Variants in KIAA0586 observed in about 807,000 individuals in gnomAD.
KIAA0586 encodes protein TALPID3.
In KIAA0586, 144 loss-of-function variants were observed where a neutral mutation model predicts 169.8. The observed-to-expected ratio is 0.85, with a 90% CI of 0.74 to 0.97. The LOEUF (loss-of-function observed/expected upper bound fraction) is 0.97, where lower values mean the gene tolerates loss of function less well. KIAA0586 is among the 50% of genes least tolerant of loss of function. The probability of loss-of-function intolerance (pLI) is 0.00; values close to 1 mark genes in which losing one functional copy is unlikely to be tolerated. For synonymous variants in KIAA0586, 625 were observed against 612.4 expected (o/e 1.02, Z -0.30); for missense variants, 1,854 against 1,823.0 (o/e 1.02, Z -0.31).
chr14:58,519,142 CCAAAA>C (rs1409221640), intron 29 of KIAA0586, among the ~76,000 whole-genome samples: 3 of 152,258 alleles, frequency 2.0e-5, no homozygotes, highest in Admixed American at 2.0e-4. Context: ...AAAACCAAAA[CCAAAA>C]CAAAACAAAA....
At chr14:58,496,066 A>G (rs535507971) in intron 26 of KIAA0586, among the ~76,000 whole-genome samples, 1 of 152,324 alleles carries the variant, frequency 6.6e-6, no homozygotes, top group South Asian at 2.1e-4. Context: ...TTGATACATT[A>G]TAAGTTAAAA....
chr14:58,455,720 G>GCATGTGCGAGTGCATGCACATT (rs2039778526), intron 9 of KIAA0586, among the ~76,000 whole-genome samples: 1 of 151,956 alleles, frequency 6.6e-6, no homozygotes. Flanking sequence ...GCATGCACAT[G>GCATGTGCGAGTGCATGCACATT]CATGTGCTAG....
chr14:58,428,181 G>A lies in KIAA0586; in HGVS notation c.-84G>A, dbSNP rs1006190630. The A allele has an allele frequency of 9.2e-6, 14 of 1,515,196 alleles. No individual in the cohort carries two copies. Among genetic ancestry groups the A allele is most frequent in the Non-Finnish European group, 8.8e-6 (10 of 1,134,976 alleles). The allele number at this position is 1,515,196 out of a possible 1,614,324, so 93.9% of individuals were successfully genotyped here. Reference sequence around the variant, plus strand: ...ATTTTAAAAACAGTTATTGCAAAGAGGTGAAAATTTTGTTCTGAAGTCTTA... The same window carrying A: ...ATTTTAAAAACAGTTATTGCAAAGAAGTGAAAATTTTGTTCTGAAGTCTTA... On this transcript the variant is annotated 5_prime_UTR_variant, in exon 1 of 31. Coordinates refer to ENST00000652326, the MANE Select transcript of KIAA0586 (RefSeq NM_001329943.3).
chr14:58,547,140 A>C (rs1206293501), intron 30 of KIAA0586, among the ~76,000 whole-genome samples: 1 of 145,842 alleles, frequency 6.9e-6, no homozygotes, highest in Non-Finnish European at 1.5e-5. Context: ...TACATGGCTG[A>C]TATCTTACCT....
At chr14:58,560,538 G>A in the KIAA0586 span, among the ~76,000 whole-genome samples, 1 of 152,166 alleles carries the variant, frequency 6.6e-6, no homozygotes, top group African/African-American at 2.4e-5. Context: ...AATGCGAGGT[G>A]TCCTGTGAGG....
intron 28 of KIAA0586, among the ~76,000 whole-genome samples, chr14:58,511,315 G>A (rs1220830834): frequency 6.6e-6 from 1 of 152,192 alleles, no homozygotes; most frequent in Non-Finnish European, 1.5e-5. Context: ...TATAGTGCTA[G>A]ATGCTGTTCT....
At chr14:58,528,303 A>G (rs541139750) in intron 29 of KIAA0586, among the ~76,000 whole-genome samples, 1 of 152,194 alleles carries the variant, frequency 6.6e-6, no homozygotes, top group Non-Finnish European at 1.5e-5. Flanking sequence ...AATGAGACAG[A>G]AAATTAACAA....
chr14:58,554,271 AT>A (rs1286503230), downstream of KIAA0586, among the ~76,000 whole-genome samples: 1 of 152,102 alleles, frequency 6.6e-6, no homozygotes, highest in East Asian at 1.9e-4. Flanking sequence ...TGGTGGGCAG[AT>A]TTGTATAGTC....
At chr14:58,531,162 C>CAA (rs749963379) in intron 29 of KIAA0586, among the ~76,000 whole-genome samples, 6 of 104,106 alleles carry the variant, frequency 5.8e-5, no homozygotes, top group African/African-American at 7.2e-5. Flanking sequence ...CTAAAATGTA[C>CAA]AAAAAAAAAA....
chr14:58,467,958 A>G, intron 16 of KIAA0586, 36 bp downstream of exon 16: 1 of 1,488,474 alleles, frequency 6.7e-7, no homozygotes, highest in Non-Finnish European at 9.0e-7. Flanking sequence ...ATTTTAAGGA[A>G]GAAAAAATTT....
In KIAA0586 at chr14:58,459,910, G is replaced by A. The variant is rs943696624; in HGVS notation, c.1724G>A (p.Gly575Asp). The change falls in exon 13 of 31, where the codon GGT becomes GAT. Residue 575 changes from glycine (G) to aspartate (D), a missense_variant. By Grantham distance (94) the Gly-to-Asp change is moderately conservative. Coordinates refer to ENST00000652326, the MANE Select transcript of KIAA0586 (RefSeq NM_001329943.3). The part of the protein sequence containing the change: ...FDQKNQRTKK[G>D]QNMTKDIRTN... ...CAGAAGAATCAGAGAACCAAGAAAG[G>A]TCAGAATATGACTAAAGATATTAGA... 2.0e-6 allele frequency: 3 copies of A among 1,533,712 alleles called. No homozygotes were observed. Among genetic ancestry groups the A allele is most frequent in the Middle Eastern group, 1.7e-4 (1 of 5,736 alleles).
At chr14:58,503,719 A>C (rs1187013145) in intron 27 of KIAA0586, among the ~76,000 whole-genome samples, 1 of 151,952 alleles carries the variant, frequency 6.6e-6, no homozygotes, top group Non-Finnish European at 1.5e-5. Context: ...TCTTGCTTGA[A>C]GTGACTCCTC....
intron 26 of KIAA0586, among the ~76,000 whole-genome samples, chr14:58,493,936 A>C (rs2042987351): frequency 6.6e-6 from 1 of 152,170 alleles, no homozygotes; most frequent in African/African-American, 2.4e-5. Flanking sequence ...GTACAAAAAG[A>C]GGTGGCAAAT....
At chr14:58,559,197 C>T in the KIAA0586 span, among the ~76,000 whole-genome samples, 4 of 152,332 alleles carry the variant, frequency 2.6e-5, no homozygotes, top group Non-Finnish European at 5.9e-5. Flanking sequence ...ATGTGCAGTT[C>T]ACCTATTAGC....
In KIAA0586 at chr14:58,461,012, A is replaced by C; in HGVS notation, c.1911A>C (p.Ile637=). ...KEGLLKATTV[I]QDEDYMLQVY... Reference sequence around the variant, plus strand: ...GGCTTTTGAAAGCAACCACAGTAATACAAGATGAAGATTATATGTTACAAG... The same window carrying C: ...GGCTTTTGAAAGCAACCACAGTAATCCAAGATGAAGATTATATGTTACAAG... Residue 637 remains isoleucine (I), a synonymous_variant, in exon 14 of 31, where the codon ATA becomes ATC. Transcript: ENST00000652326. 1 of 1,607,876 alleles carries C rather than the reference A, an allele frequency of 6.2e-7. No homozygotes were observed. Among genetic ancestry groups the C allele is most frequent in the Non-Finnish European group, 8.5e-7 (1 of 1,177,900 alleles).
chr14:58,450,122 G>A (rs958811675), intron 7 of KIAA0586, among the ~76,000 whole-genome samples: 7 of 152,022 alleles, frequency 4.6e-5, no homozygotes, highest in Non-Finnish European at 7.4e-5. Context: ...CGGATACTCA[G>A]GCAGTTTTTA....
the KIAA0586 span, among the ~76,000 whole-genome samples, chr14:58,559,178 AC>A: frequency 2.0e-5 from 3 of 152,132 alleles, no homozygotes; most frequent in African/African-American, 7.2e-5. Context: ...TTGGATTTTC[AC>A]CCAGCACATG....
intron 10 of KIAA0586, among the ~76,000 whole-genome samples, chr14:58,457,326 G>C (rs978840137): frequency 6.6e-6 from 1 of 151,892 alleles, no homozygotes; most frequent in Non-Finnish European, 1.5e-5. Flanking sequence ...TGGAGTGCAA[G>C]GGTGCAATCT....
chr14:58,514,492 G>A (rs2044614352), intron 29 of KIAA0586, among the ~76,000 whole-genome samples: 1 of 152,022 alleles, frequency 6.6e-6, no homozygotes, highest in Admixed American at 6.6e-5. Flanking sequence ...CTTGAAATGT[G>A]TAGTAGTTTA....
Sources: allele counts gnomAD v4.1 joint callset (sites outside exome capture counted in the v4.1 genomes callset), GRCh38; gene constraint gnomAD v4.1.1; transcripts MANE v1.5; gene names NCBI Gene and HGNC (gene_info 2026-07-23, HGNC 2026-07-21).